The following RAB11FIP4 variants were observed in gnomAD, a reference collection of about 807,000 sequenced individuals.
The protein encoded by RAB11FIP4 is rab11 family-interacting protein 4.
In RAB11FIP4, 23 loss-of-function variants were observed where a neutral mutation model predicts 74.3. The observed-to-expected ratio is 0.31, with a 90% CI of 0.22 to 0.44. RAB11FIP4 has a LOEUF of 0.44. Among genes scored for constraint, RAB11FIP4 ranks in the 20% least tolerant of loss-of-function variants. The pLI is 1.00. For synonymous variants in RAB11FIP4, 360 were observed against 359.9 expected, an observed-to-expected ratio of 1.00 and a Z score of 0.00; for missense variants, 630 against 863.9, an observed-to-expected ratio of 0.73 and a Z score of 3.39.
intron 3 of RAB11FIP4, among the ~76,000 whole-genome samples, chr17:31,495,879 G>T (rs1051514991): frequency 6.6e-6 from 1 of 152,240 alleles, no homozygotes; most frequent in Non-Finnish European, 1.5e-5. Flanking sequence ...CTGCGGAACT[G>T]TGACTGAATC....
intron 11 of RAB11FIP4, 125 bp downstream of exon 11, chr17:31,528,048 G>A (rs77353359): frequency 0.14 from 100,402 of 717,118 alleles, 7,983 homozygotes; most frequent in Middle Eastern, 0.19. Context: ...ATAACAACTT[G>A]TGTTTCTGTA....
At position 31,524,024 on chromosome 17, in the gene RAB11FIP4, C is replaced by G. The variant is rs184371148; in HGVS notation, c.1133+28C>G. 4 of 1,531,554 alleles carry G rather than the reference C, an allele frequency of 2.6e-6. No homozygotes were observed. In the South Asian group the frequency reaches 3.5e-5, roughly 13 times the overall value. The allele number at this position is 1,531,554 out of a possible 1,614,324, so 94.9% of individuals were successfully genotyped here. A position where few individuals can be genotyped will look rare whatever the true frequency, so the allele number is the denominator to read the frequency against. On this transcript the variant is annotated intron_variant, in intron 9 of 14. Coordinates refer to ENST00000621161, the MANE Select transcript of RAB11FIP4 (RefSeq NM_032932.6). ...CAAGCAGGCAGCGGCGCTGGGGGCT[C>G]GGCCGTGACGCTGGGGAACAAAGGG...
In RAB11FIP4 at chr17:31,534,146, A is replaced by G. The variant is rs1168095695; in HGVS notation, c.*2414A>G. On this transcript the variant is annotated 3_prime_UTR_variant, in exon 15 of 15. Transcript: ENST00000621161. ...CCAGAGCCTAGGTGGTAGGAGCTTG[A>G]TCTTTGTTTCTGCCCTTACCCCTCA... 6.6e-6 allele frequency: 1 copy of G among 152,184 alleles called. No individual in the cohort carries two copies. Among genetic ancestry groups the G allele is most frequent in the African/African-American group, 2.4e-5 (1 of 41,434 alleles). The allele number at this position is 152,184 out of a possible 1,614,324, so 9.4% of individuals were successfully genotyped here.
intron 3 of RAB11FIP4, among the ~76,000 whole-genome samples, chr17:31,469,449 G>C (rs1240568815): frequency 6.6e-6 from 1 of 151,958 alleles, no homozygotes; most frequent in Non-Finnish European, 1.5e-5. Context: ...ATGAGATCTT[G>C]TCTCCACAAA....
chr17:31,517,207 G>GGGGGGTGCGGGGGGGGGGGGCGGT, intron 3 of RAB11FIP4, among the ~76,000 whole-genome samples: 1 of 98,956 alleles, frequency 1.0e-5, no homozygotes, highest in East Asian at 3.4e-4. Flanking sequence ...GGGGGGCGGT[G>GGGGGGTGCGGGGGGGGGGGGCGGT]GGGGGGGCGG....
At chr17:31,404,434 C>T (rs1387821615) in intron 1 of RAB11FIP4, among the ~76,000 whole-genome samples, 2 of 152,262 alleles carry the variant, frequency 1.3e-5, no homozygotes, top group Non-Finnish European at 2.9e-5. Context: ...TGGTTTGAGA[C>T]CCAGCTCTGC....
chr17:31,425,581 G>C (rs1034269327), intron 1 of RAB11FIP4, among the ~76,000 whole-genome samples: 1 of 152,178 alleles, frequency 6.6e-6, no homozygotes, highest in African/African-American at 2.4e-5. Context: ...GGGACTGAGT[G>C]GGGGGAAAAA....
chr17:31,507,936 C>T (rs1003914555), intron 3 of RAB11FIP4, among the ~76,000 whole-genome samples: 33 of 152,182 alleles, frequency 2.2e-4, no homozygotes, highest in Non-Finnish European at 3.5e-4. Flanking sequence ...AGGTGATTCT[C>T]TATCCTCAGC....
chr17:31,508,874 G>T (rs1319861326), intron 3 of RAB11FIP4, among the ~76,000 whole-genome samples: 3 of 152,162 alleles, frequency 2.0e-5, no homozygotes, highest in African/African-American at 7.2e-5. Flanking sequence ...GTGTGTGTTG[G>T]GGTGAGGTTG....
chr17:31,523,831 C>T (rs776883443), intron 8 of RAB11FIP4, 62 bp from the exon 9 acceptor site: 21 of 1,279,268 alleles, frequency 1.6e-5, no homozygotes, highest in Middle Eastern at 1.8e-4. Context: ...CTCATGGCGT[C>T]GAGGTTCTCG....
chr17:31,402,518 C>T (rs1191059219), intron 1 of RAB11FIP4, among the ~76,000 whole-genome samples: 2 of 152,186 alleles, frequency 1.3e-5, no homozygotes, highest in Non-Finnish European at 2.9e-5. Flanking sequence ...TATGATTTCT[C>T]ACTTCCCACA....
At chr17:31,471,758 G>A (rs1322724027) in intron 3 of RAB11FIP4, among the ~76,000 whole-genome samples, 1 of 152,216 alleles carries the variant, frequency 6.6e-6, no homozygotes, top group Admixed American at 6.5e-5. Context: ...CTGCCCAGTG[G>A]GAGAGCCTGA....
intron 3 of RAB11FIP4, among the ~76,000 whole-genome samples, chr17:31,503,788 G>A (rs930807669): frequency 2.7e-5 from 4 of 149,704 alleles, no homozygotes; most frequent in South Asian, 4.1e-4. Flanking sequence ...GACTCTACCC[G>A]CTAGGATAGT....
At position 31,394,521 on chromosome 17, in the gene RAB11FIP4, T is replaced by A. The variant is rs1294418926; in HGVS notation, c.159+2510T>A. Among the ~76,000 whole-genome samples, 3 of 152,234 alleles carry A rather than the reference T, an allele frequency of 2.0e-5. No homozygotes were observed. In the East Asian group the frequency reaches 5.8e-4, roughly 29 times the overall value. On this transcript the variant is annotated intron_variant, in intron 1 of 14. Transcript: ENST00000621161. ...CTTTTTCTTTTCTTTTCTTTTCTTTTTTCTTTTAACAATCCTGGCTTGTGG... is the reference window on the plus strand; with the variant it reads ...CTTTTTCTTTTCTTTTCTTTTCTTTATTCTTTTAACAATCCTGGCTTGTGG...
intron 5 of RAB11FIP4, among the ~76,000 whole-genome samples, chr17:31,521,563 G>A (rs2072666485): frequency 6.6e-6 from 1 of 151,998 alleles, no homozygotes; most frequent in Non-Finnish European, 1.5e-5. Flanking sequence ...AACTGACCTA[G>A]GAGGCTGCAC....
rs187071680 is a variant in RAB11FIP4 at position 31,509,692 on chromosome 17, G to A, written c.337-7959G>A. On this transcript the variant is annotated intron_variant, in intron 3 of 14. Coordinates refer to ENST00000621161, the MANE Select transcript of RAB11FIP4 (RefSeq NM_032932.6). ...TGATCAGAGCGGGAAGCTCTGGGCT[G>A]CAGAGCTTTGATCTCACAGTATGTG... is the stretch of plus-strand genomic sequence containing the variant. Among the ~76,000 whole-genome samples, 9 of 152,310 alleles carry A rather than the reference G, an allele frequency of 5.9e-5. No individual in the cohort carries two copies. The East Asian group carries it at 1.5e-3, about 26-fold the overall frequency.
chr17:31,505,403 A>G (rs1359445322), intron 3 of RAB11FIP4, among the ~76,000 whole-genome samples: 2 of 116,432 alleles, frequency 1.7e-5, no homozygotes, highest in African/African-American at 6.7e-5. Context: ...TAATAATAAT[A>G]TATAATAATT....
intron 1 of RAB11FIP4, among the ~76,000 whole-genome samples, chr17:31,402,867 C>T (rs949232505): frequency 2.3e-4 from 35 of 151,908 alleles, no homozygotes; most frequent in Admixed American, 7.9e-4. Context: ...CCTTGTGATC[C>T]ACCCGCCTTG....
rs1000662265 is a variant in RAB11FIP4 at position 31,392,060 on chromosome 17, C to T, written c.159+49C>T. 4.3e-6 allele frequency: 5 copies of T among 1,173,242 alleles called. No individual in the cohort carries two copies. The East Asian group carries it at 1.1e-4, about 26-fold the overall frequency. 72.7% of individuals were successfully genotyped at this position (1,173,242 alleles called of 1,614,324 possible). On this transcript the variant is annotated intron_variant, in intron 1 of 14. Transcript: ENST00000621161. ...CGGCCCGGGGACCCCAGCCCAGCCCCGCCGCCCCTCCCCCAGCTCCCCCGC... is the reference window on the plus strand; with the variant it reads ...CGGCCCGGGGACCCCAGCCCAGCCCTGCCGCCCCTCCCCCAGCTCCCCCGC...
Sources: gnomAD v4.1 joint callset for allele counts (sites outside exome capture counted in the v4.1 genomes callset) on GRCh38, gnomAD v4.1.1 for gene constraint, MANE v1.5 for transcripts, NCBI Gene and HGNC (gene_info 2026-07-23, HGNC 2026-07-21) for gene names.